RETREG2: variants seen among roughly 807,000 people sequenced by gnomAD.
RETREG2 encodes the protein reticulophagy regulator family member 2, also known as reticulophagy regulator 2.
RETREG2 carries 21 observed loss-of-function variants against 51.6 expected under a neutral mutation model. The observed-to-expected ratio is 0.41, with a 90% CI of 0.29 to 0.59. The LOEUF (loss-of-function observed/expected upper bound fraction) is 0.59. Among genes scored for constraint, RETREG2 ranks in the 20% least tolerant of loss-of-function variants. The probability of loss-of-function intolerance (pLI) is 0.34; values close to 1 mark genes in which losing one functional copy is unlikely to be tolerated. For missense variants in RETREG2, 674 were observed against 646.0 expected, an observed-to-expected ratio of 1.04 and a Z score of -0.47; for synonymous variants, 339 against 288.6, an observed-to-expected ratio of 1.17 and a Z score of -1.77.
intron 2 of RETREG2, among the ~76,000 whole-genome samples, 168 bp downstream of exon 2, chr2:219,179,196 C>G (rs1950238681): frequency 6.6e-6 from 1 of 152,204 alleles, no homozygotes; most frequent in Non-Finnish European, 1.5e-5. Context: ...GCCCCTTTCC[C>G]AAACTAATAC....
Position 219,185,349 on chromosome 2 carries a change from C to G in RETREG2, c.*2720C>G, listed in dbSNP as rs1950335026. On this transcript the variant is annotated 3_prime_UTR_variant, in exon 9 of 9. Coordinates refer to ENST00000430297, the MANE Select transcript of RETREG2 (RefSeq NM_024293.6). ...TACAGGCTGAGGGGAGAAGAGTTGG[C>G]TACATGTTTATGTTAGGGGAGGAGG... 1 of 152,160 alleles carries G rather than the reference C, an allele frequency of 6.6e-6. No individual in the cohort carries two copies. Among genetic ancestry groups the G allele is most frequent in the Non-Finnish European group, 1.5e-5 (1 of 68,034 alleles). 9.4% of individuals were successfully genotyped at this position (152,160 alleles called of 1,614,324 possible). A position where few individuals can be genotyped will look rare whatever the true frequency, so the allele number is the denominator to read the frequency against.
chr2:219,181,560 GT>G, intron 7 of RETREG2, 79 bp from the exon 8 acceptor site: 1 of 1,601,820 alleles, frequency 6.2e-7, no homozygotes, highest in Non-Finnish European at 8.5e-7. Context: ...GAAGCCAGAG[GT>G]TTTGGGAGAG....
At position 219,180,233 on chromosome 2, in the gene RETREG2, G is replaced by A. The variant is rs1458240182; in HGVS notation, c.543G>A (p.Gln181=). 2 of 1,614,210 alleles carry A rather than the reference G, an allele frequency of 1.2e-6. No homozygotes were observed. The highest frequency in any genetic ancestry group is 8.5e-7 in the Non-Finnish European group (1 of 1,180,038). Residue 181 remains glutamine (Q), a synonymous_variant, in exon 4 of 9, where the codon CAG becomes CAA. Transcript: ENST00000430297. ...AGGAGCTGCTGCAGTACAAGAGGCA[G>A]AATCCAGCTCAGGTAACCTCCCCTA... ...HLQELLQYKR[Q]NPAQFCVRVC... is the part of the protein sequence containing the mutation.
In RETREG2 at chr2:219,182,825, T is replaced by C. The variant is rs1361497678; in HGVS notation, c.*196T>C. On this transcript the variant is annotated 3_prime_UTR_variant, in exon 9 of 9. Transcript: ENST00000430297. The stretch of plus-strand genomic sequence containing the variant: ...GTGCAGTACCTGTGCCTAGGATTGG[T>C]TTTAAATTTGTAAATAATTTTCCAT... 1 of 637,204 alleles carries C rather than the reference T, an allele frequency of 1.6e-6. No homozygotes were observed. The highest frequency in any genetic ancestry group is 2.7e-6 in the Non-Finnish European group (1 of 372,876). The allele number at this position is 637,204 out of a possible 1,614,324, so 39.5% of individuals were successfully genotyped here.
intron 2 of RETREG2, 101 bp from the exon 3 acceptor site, chr2:219,179,632 G>T: frequency 9.0e-7 from 1 of 1,104,982 alleles, no homozygotes; most frequent in South Asian, 1.3e-5. Context: ...ATCTGAAGAA[G>T]GTGCTCTGGG....
chr2:219,182,745 C>T lies in RETREG2; in HGVS notation c.*116C>T, dbSNP rs140776425. 9,333 of 1,261,500 alleles carry T rather than the reference C, an allele frequency of 7.4e-3. 47 individuals are homozygous for T. The highest frequency in any genetic ancestry group is 8.6e-3 in the Non-Finnish European group (7,831 of 912,798). 78.1% of individuals were successfully genotyped at this position (1,261,500 alleles called of 1,614,324 possible). On this transcript the variant is annotated 3_prime_UTR_variant, in exon 9 of 9. Transcript: ENST00000430297. Reference sequence around the variant, plus strand: ...GGCAGTGTGTGGGGAAGCTGGCTGTCGGATGGTAGCTATTCCACCCTCTGC... The same window carrying T: ...GGCAGTGTGTGGGGAAGCTGGCTGTTGGATGGTAGCTATTCCACCCTCTGC...
chr2:219,180,192 T>C lies in RETREG2; in HGVS notation c.502T>C (p.Phe168Leu). 1 of 1,614,192 alleles carries C rather than the reference T, an allele frequency of 6.2e-7. No individual in the cohort carries two copies. The highest frequency in any genetic ancestry group is 8.5e-7 in the Non-Finnish European group (1 of 1,180,036). Residue 168 changes from phenylalanine (F) to leucine (L), a missense_variant, in exon 4 of 9, where the codon TTC (phenylalanine) becomes CTC (leucine). Coordinates refer to ENST00000430297, the MANE Select transcript of RETREG2 (RefSeq NM_024293.6). ...CRYLAESWLT[F>L]QIHLQELLQY... ...ATACCTGGCTGAGAGCTGGCTCACC[T>C]TCCAGATTCACCTGCAGGAGCTGCT...
At chr2:219,181,966 A>G (rs769717541) in intron 8 of RETREG2, 47 bp from the exon 9 acceptor site, 4 of 1,598,036 alleles carry the variant, frequency 2.5e-6, no homozygotes, top group Non-Finnish European at 3.4e-6. Flanking sequence ...GTTGTGGCTA[A>G]TCAGACCAGC....
In RETREG2 at chr2:219,181,457, C is replaced by T; in HGVS notation, c.873C>T (p.Ser291=). The change falls in exon 7 of 9, where the codon TCC becomes TCT. Residue 291 remains serine (S), a synonymous_variant. Transcript: ENST00000430297. ...SESEAELAGF[S]PVVDVKKTAL... is the part of the protein sequence containing the mutation. ...GCGAGGCAGAGCTGGCTGGCTTCTC[C>T]CCAGTGGTGAGGTCCAGGGAAAGCG... 2 of 1,614,010 alleles carry T rather than the reference C, an allele frequency of 1.2e-6. No individual in the cohort carries two copies. The highest frequency in any genetic ancestry group is 2.7e-5 in the African/African-American group (2 of 75,000).
chr2:219,179,936 G>T, intron 3 of RETREG2, 173 bp downstream of exon 3: 1 of 1,132,892 alleles, frequency 8.8e-7, no homozygotes. Context: ...TGCTCCTTTT[G>T]GGGCAGAGGG....
In RETREG2 at chr2:219,184,953, A is replaced by C. The variant is rs1211885407; in HGVS notation, c.*2324A>C. ...ACAATTCTCCTGCCTCAGCCGTCCA[A>C]GTAGCTGGGATTACAGGTGCATGCC... On this transcript the variant is annotated 3_prime_UTR_variant, in exon 9 of 9. Transcript: ENST00000430297. The C allele has an allele frequency of 6.6e-6, 1 of 151,198 alleles. No individual in the cohort carries two copies. Among genetic ancestry groups the C allele is most frequent in the Non-Finnish European group, 1.5e-5 (1 of 67,860 alleles). The allele number at this position is 151,198 out of a possible 1,614,324, so 9.4% of individuals were successfully genotyped here.
At chr2:219,179,409 C>T (rs1461693250) in intron 2 of RETREG2, among the ~76,000 whole-genome samples, 2 of 152,214 alleles carry the variant, frequency 1.3e-5, no homozygotes, top group Non-Finnish European at 2.9e-5. Context: ...AATACACATG[C>T]TATACTTATG....
intron 4 of RETREG2, 152 bp downstream of exon 4, chr2:219,180,397 T>C: frequency 1.8e-6 from 2 of 1,107,080 alleles, no homozygotes; most frequent in South Asian, 3.0e-5. Context: ...AGCTAATCCC[T>C]GGTGCAGGAG....
At chr2:219,178,897 G>A (rs1022112674) in intron 1 of RETREG2, 25 bp from the exon 2 acceptor site, 87 of 1,540,972 alleles carry the variant, frequency 5.6e-5, no homozygotes, top group Non-Finnish European at 7.4e-5. Flanking sequence ...CCCACTCACT[G>A]CTGAGGTGCC....
chr2:219,181,824 C>A (rs565105496), intron 8 of RETREG2, 49 bp downstream of exon 8: 1 of 1,602,916 alleles, frequency 6.2e-7, no homozygotes. Context: ...TCTTTGTGTT[C>A]CCTACCATGG....
rs1950267057 is a variant in RETREG2 at position 219,180,733 on chromosome 2, A to G, written c.619A>G (p.Ile207Val). ...TGTGTTGGGACACTATGTTCCAGGG[A>G]TTATGATTTCCTACATTGTCTGTGA... is the stretch of plus-strand genomic sequence containing the variant. ...LAVLGHYVPG[I>V]MISYIVLLSI... The change falls in exon 5 of 9, where the codon ATT becomes GTT. Residue 207 changes from isoleucine to valine, a missense_variant. Physicochemically the swap from Ile to Val is conservative, Grantham distance 29. Transcript: ENST00000430297. 1.9e-6 allele frequency: 3 copies of G among 1,613,842 alleles called. No individual in the cohort carries two copies. Among genetic ancestry groups the G allele is most frequent in the Non-Finnish European group, 8.5e-7 (1 of 1,179,950 alleles).
chr2:219,179,159 TG>T (rs2106395650), intron 2 of RETREG2, 131 bp downstream of exon 2: 1 of 745,472 alleles, frequency 1.3e-6, no homozygotes, highest in African/African-American at 1.7e-5. Context: ...ACTTCCTTTT[TG>T]TACGGAATTC....
chr2:219,178,683 G>A, intron 1 of RETREG2, 50 bp downstream of exon 1: 1 of 1,410,118 alleles, frequency 7.1e-7, no homozygotes, highest in Non-Finnish European at 9.2e-7. Context: ...GGGGAGGGAG[G>A]GGTCGAGAGC....
At chr2:219,181,812 A>C (rs778337578) in intron 8 of RETREG2, 37 bp downstream of exon 8, 18 of 1,605,448 alleles carry the variant, frequency 1.1e-5, no homozygotes, top group Non-Finnish European at 1.5e-5. Flanking sequence ...TCCCCGCCAC[A>C]ATCTTTGTGT....
Sources: gnomAD v4.1 joint callset for allele counts (sites outside exome capture counted in the v4.1 genomes callset) on GRCh38, gnomAD v4.1.1 for gene constraint, MANE v1.5 for transcripts, NCBI Gene and HGNC (gene_info 2026-07-23, HGNC 2026-07-21) for gene names.